DDX50: variants seen among roughly 807,000 people sequenced by gnomAD.
DDX50 encodes the protein ATP-dependent RNA helicase DDX50.
A neutral mutation model predicts 94.8 loss-of-function variants in DDX50; 56 were observed. The observed-to-expected ratio is 0.59, with a 90% CI of 0.48 to 0.74. DDX50 has a LOEUF of 0.74. DDX50 is among the 30% of genes least tolerant of loss of function. The pLI, the probability that DDX50 is intolerant of heterozygous loss-of-function variation, is 0.00. For missense variants in DDX50, 713 were observed against 881.2 expected (o/e 0.81, Z 2.42); for synonymous variants, 264 against 295.4 (o/e 0.89, Z 1.09).
intron 8 of DDX50, among the ~76,000 whole-genome samples, chr10:68,920,775 A>G (rs1325752892): frequency 6.6e-6 from 1 of 151,618 alleles, no homozygotes; most frequent in African/African-American, 2.4e-5. Flanking sequence ...TTGAAACCCC[A>G]TCTCTACTAA....
chr10:68,922,270 C>T (rs1171134903), intron 8 of DDX50, among the ~76,000 whole-genome samples: 1 of 152,048 alleles, frequency 6.6e-6, no homozygotes, highest in East Asian at 1.9e-4. Context: ...AATCATGGCA[C>T]TTGATAGCTT....
intron 1 of DDX50, among the ~76,000 whole-genome samples, chr10:68,904,987 T>C (rs899431821): frequency 9.2e-5 from 14 of 152,252 alleles, no homozygotes; most frequent in African/African-American, 3.4e-4. Context: ...GTTTTTACTA[T>C]CACTAATTAC....
In DDX50 at chr10:68,946,809, C is replaced by T. The variant is rs1397444501; in HGVS notation, c.*179C>T. 2.7e-6 allele frequency: 2 copies of T among 743,912 alleles called. No homozygotes were observed. The highest frequency in any genetic ancestry group is 3.6e-5 in the African/African-American group (2 of 56,114). 46.1% of individuals were successfully genotyped at this position (743,912 alleles called of 1,614,324 possible). Reference sequence around the variant, plus strand: ...GAACAAATCTACTTATCCAGTTATACCTTTGAATAAAAAAACCTCCTTTTA... The same window carrying T: ...GAACAAATCTACTTATCCAGTTATATCTTTGAATAAAAAAACCTCCTTTTA... On this transcript the variant is annotated 3_prime_UTR_variant, in exon 15 of 15. Coordinates refer to ENST00000373585, the MANE Select transcript of DDX50 (RefSeq NM_024045.2).
intron 8 of DDX50, among the ~76,000 whole-genome samples, chr10:68,921,354 A>G (rs1182168639): frequency 6.6e-6 from 1 of 152,186 alleles, no homozygotes; most frequent in African/African-American, 2.4e-5. Flanking sequence ...AGTTGCTTTT[A>G]ATATATGGAT....
At chr10:68,930,774 C>T (rs1220082809) in intron 8 of DDX50, among the ~76,000 whole-genome samples, 2 of 152,244 alleles carry the variant, frequency 1.3e-5, no homozygotes, top group African/African-American at 4.8e-5. Context: ...CCACCTCAGC[C>T]TCCCAAGTAG....
At chr10:68,923,523 T>C (rs1841997653) in intron 8 of DDX50, among the ~76,000 whole-genome samples, 1 of 151,756 alleles carries the variant, frequency 6.6e-6, no homozygotes, top group Admixed American at 6.6e-5. Context: ...GATATATATG[T>C]ATATTTTATT....
intron 1 of DDX50, among the ~76,000 whole-genome samples, chr10:68,903,403 C>T (rs1841346528): frequency 6.6e-6 from 1 of 151,610 alleles, no homozygotes; most frequent in African/African-American, 2.4e-5. Context: ...CATGGTGACT[C>T]ACTCCTGTAA....
At chr10:68,940,976 A>C in intron 12 of DDX50, 84 bp from the exon 13 acceptor site, 2 of 1,504,616 alleles carry the variant, frequency 1.3e-6, no homozygotes, top group Non-Finnish European at 1.8e-6. Flanking sequence ...ATGCACAGTT[A>C]AGTCTTGAAG....
chr10:68,913,268 A>T lies in DDX50; in HGVS notation c.746A>T (p.Tyr249Phe). The T allele has an allele frequency of 6.2e-7, 1 of 1,612,516 alleles. No individual in the cohort carries two copies. The highest frequency in any genetic ancestry group is 8.5e-7 in the Non-Finnish European group (1 of 1,179,658). Residue 249 changes from tyrosine to phenylalanine, a missense_variant, in exon 5 of 15, where the codon TAT becomes TTT. By Grantham distance (22) the Tyr-to-Phe change is conservative. Coordinates refer to ENST00000373585, the MANE Select transcript of DDX50 (RefSeq NM_024045.2). ...GCGTGTTTTTATGGTGGAACATCAT[A>T]TCAAAGCCAAAGTGAGTAAATATGT... ...SVACFYGGTS[Y>F]QSQINHIRNG...
At chr10:68,906,685 G>A in intron 1 of DDX50, 26 bp from the exon 2 acceptor site, 1 of 1,593,646 alleles carries the variant, frequency 6.3e-7, no homozygotes, top group Non-Finnish European at 8.5e-7. Flanking sequence ...TGACCATCTT[G>A]TCATTGCTTC....
chr10:68,944,480 A>G (rs115153559), intron 14 of DDX50, among the ~76,000 whole-genome samples: 40 of 152,330 alleles, frequency 2.6e-4, no homozygotes, highest in African/African-American at 9.4e-4. Context: ...AAAAATTCAG[A>G]ATATGTTAAA....
At chr10:68,910,629 C>T (rs1278546415) in intron 3 of DDX50, among the ~76,000 whole-genome samples, 1 of 152,188 alleles carries the variant, frequency 6.6e-6, no homozygotes, top group Admixed American at 6.5e-5. Context: ...TCTCAAACTC[C>T]TGACCTCCTG....
At chr10:68,907,321 T>TA (rs578218973) in intron 2 of DDX50, among the ~76,000 whole-genome samples, 3 of 148,648 alleles carry the variant, frequency 2.0e-5, no homozygotes, top group Non-Finnish European at 4.5e-5. Context: ...TTTTTTCTTT[T>TA]TTTTTTTTTT....
At chr10:68,908,254 C>G (rs1178030660) in intron 2 of DDX50, among the ~76,000 whole-genome samples, 1 of 151,840 alleles carries the variant, frequency 6.6e-6, no homozygotes, top group African/African-American at 2.4e-5. Context: ...AGTTCCAAGA[C>G]CAGCCTGACC....
intron 6 of DDX50, 103 bp downstream of exon 6, chr10:68,913,679 A>T: frequency 9.5e-7 from 1 of 1,057,750 alleles, no homozygotes; most frequent in Non-Finnish European, 1.3e-6. Flanking sequence ...CCTGCGTTCT[A>T]ACAAAACTAA....
intron 4 of DDX50, among the ~76,000 whole-genome samples, chr10:68,912,734 C>G (rs117627829): frequency 6.6e-6 from 1 of 152,158 alleles, no homozygotes; most frequent in African/African-American, 2.4e-5. Context: ...AACATTCATT[C>G]GTTTAACATT....
chr10:68,920,369 C>G (rs958533637), intron 8 of DDX50, among the ~76,000 whole-genome samples: 2 of 152,068 alleles, frequency 1.3e-5, no homozygotes, highest in Non-Finnish European at 2.9e-5. Flanking sequence ...CACCATGTAG[C>G]CCAGGCTGGT....
At chr10:68,921,573 T>C (rs1841940876) in intron 8 of DDX50, among the ~76,000 whole-genome samples, 1 of 152,224 alleles carries the variant, frequency 6.6e-6, no homozygotes, top group African/African-American at 2.4e-5. Context: ...CTAGTTCTTT[T>C]TGTGATGCTA....
Position 68,914,060 on chromosome 10 carries a change from T to C in DDX50, c.945T>C (p.Asp315=), listed in dbSNP as rs1359611336. 6.3e-7 allele frequency: 1 copy of C among 1,585,386 alleles called. No homozygotes were observed. The highest frequency in any genetic ancestry group is 8.5e-7 in the Non-Finnish European group (1 of 1,172,098). The change falls in exon 7 of 15, where the codon GAT becomes GAC. Residue 315 remains aspartate, a splice_region_variant and synonymous_variant. Transcript: ENST00000373585. ...TTGAATTCTTTTTGTTTATTTAAGATTCTGAAGACAATCCTCAGACTTTAC... is the reference window on the plus strand; with the variant it reads ...TTGAATTCTTTTTGTTTATTTAAGACTCTGAAGACAATCCTCAGACTTTAC... ...EDIIHESYKT[D]SEDNPQTLLF... is the part of the protein sequence containing the mutation.
Sources: allele counts gnomAD v4.1 joint callset (sites outside exome capture counted in the v4.1 genomes callset), GRCh38; gene constraint gnomAD v4.1.1; transcripts MANE v1.5; gene names NCBI Gene and HGNC (gene_info 2026-07-23, HGNC 2026-07-21).